Variants in ZFHX3 observed in about 807,000 individuals in gnomAD.
ZFHX3 encodes zinc finger homeobox protein 3.
A neutral mutation model predicts 279.1 loss-of-function variants in ZFHX3; 42 were observed. The ratio of observed to expected loss-of-function variants is 0.15; its 90% CI spans 0.12 to 0.19. The LOEUF is 0.19. Among genes scored for constraint, ZFHX3 ranks in the 10% least tolerant of loss-of-function variants. The pLI is 1.00. For synonymous variants in ZFHX3, 2,293 were observed against 1,957.8 expected, an observed-to-expected ratio of 1.17 and a Z score of -4.52; for missense variants, 4,981 against 4,754.0, an observed-to-expected ratio of 1.05 and a Z score of -1.40.
chr16:73,177,933 A>G (rs1216182969), intron 5 of ZFHX3, among the ~76,000 whole-genome samples: 1 of 151,228 alleles, frequency 6.6e-6, no homozygotes, highest in Admixed American at 6.6e-5. Flanking sequence ...AGGGGCTGCT[A>G]TGACAGTCAG....
intron 5 of ZFHX3, among the ~76,000 whole-genome samples, chr16:72,814,983 G>T (rs2036562252): frequency 1.3e-5 from 2 of 152,156 alleles, no homozygotes; most frequent in Non-Finnish European, 2.9e-5. Context: ...AGTGATGTGG[G>T]GATGGCTCCT....
At chr16:72,835,644 A>C (rs149746985) in intron 4 of ZFHX3, among the ~76,000 whole-genome samples, 4 of 151,968 alleles carry the variant, frequency 2.6e-5, no homozygotes, top group Admixed American at 2.6e-4. Context: ...TCTGACCATC[A>C]AGACTGACAC....
At chr16:73,472,069 C>A (rs1009972466) in intron 2 of ZFHX3, among the ~76,000 whole-genome samples, 1 of 152,044 alleles carries the variant, frequency 6.6e-6, no homozygotes, top group Non-Finnish European at 1.5e-5. Context: ...CCTATCATTC[C>A]TCCTAATAGT....
At chr16:72,792,858 C>T (rs1220324823) in intron 9 of ZFHX3, among the ~76,000 whole-genome samples, 1 of 152,156 alleles carries the variant, frequency 6.6e-6, no homozygotes, top group Non-Finnish European at 1.5e-5. Context: ...AGGGCATAAT[C>T]CAGAATTAGC....
At chr16:73,306,509 G>C (rs748642916) in intron 4 of ZFHX3, among the ~76,000 whole-genome samples, 1 of 152,100 alleles carries the variant, frequency 6.6e-6, no homozygotes, top group East Asian at 1.9e-4. Context: ...TTTTGGTAGA[G>C]ATATGGTTTC....
intron 4 of ZFHX3, among the ~76,000 whole-genome samples, chr16:72,849,751 C>T (rs1035913059): frequency 6.6e-6 from 1 of 151,748 alleles, no homozygotes; most frequent in Non-Finnish European, 1.5e-5. Flanking sequence ...ATTCACTTCC[C>T]TGGTTGTTCG....
intron 7 of ZFHX3, among the ~76,000 whole-genome samples, chr16:73,124,273 C>G (rs12051003): frequency 0.57 from 86,076 of 152,082 alleles, 24,861 homozygotes; most frequent in Middle Eastern, 0.78. Flanking sequence ...GGCAGATCTG[C>G]TGTCCGGTGA....
intron 3 of ZFHX3, among the ~76,000 whole-genome samples, chr16:73,382,622 C>G (rs999504191): frequency 6.7e-6 from 1 of 148,648 alleles, no homozygotes; most frequent in Non-Finnish European, 1.5e-5. Context: ...GCAGACTACC[C>G]CACTTGCCCC....
At chr16:73,618,223 G>A (rs917546749) in intron 2 of ZFHX3, among the ~76,000 whole-genome samples, 5 of 152,154 alleles carry the variant, frequency 3.3e-5, no homozygotes, top group African/African-American at 1.2e-4. Context: ...GACTGTAAGA[G>A]GTTAGGTGAC....
In ZFHX3 at chr16:73,644,532, G is replaced by A. The variant is rs149913824; in HGVS notation, c.-1547+35648C>T. ...AAAAATTAGCTGGGCCTGGTGGCGG[G>A]TGCCTGTAATCCCAGCTACCCCAGA... On this transcript the variant is annotated intron_variant, in intron 2 of 17. Transcript: ENST00000641206. Among the ~76,000 whole-genome samples the A allele has an allele frequency of 4.5e-3, 690 of 152,146 alleles. 9 individuals are homozygous for A. Among genetic ancestry groups the A allele is most frequent in the African/African-American group, 0.016 (657 of 41,506 alleles).
At chr16:73,523,640 T>C (rs796626885) in intron 2 of ZFHX3, among the ~76,000 whole-genome samples, 10 of 148,278 alleles carry the variant, frequency 6.7e-5, no homozygotes, top group African/African-American at 2.5e-4. Flanking sequence ...TTTTTTTTCA[T>C]ATGTATATTC....
intron 3 of ZFHX3, among the ~76,000 whole-genome samples, chr16:73,427,229 G>A (rs2143506199): frequency 6.6e-6 from 1 of 152,318 alleles, no homozygotes; most frequent in South Asian, 2.1e-4. Flanking sequence ...GCAATATATT[G>A]TCACTTATTT....
At chr16:73,095,250 C>G (rs1311262998) in intron 7 of ZFHX3, among the ~76,000 whole-genome samples, 1 of 152,054 alleles carries the variant, frequency 6.6e-6, no homozygotes, top group East Asian at 1.9e-4. Flanking sequence ...TAATATTATA[C>G]TGGATGAAAA....
At chr16:73,070,526 C>G (rs903116873) in intron 8 of ZFHX3, among the ~76,000 whole-genome samples, 3 of 152,150 alleles carry the variant, frequency 2.0e-5, no homozygotes, top group African/African-American at 7.2e-5. Flanking sequence ...TGCAATTCCA[C>G]TCTGAGACCA....
At chr16:72,930,434 G>A (rs77670082) in intron 3 of ZFHX3, among the ~76,000 whole-genome samples, 2,586 of 151,974 alleles carry the variant, frequency 0.017, 56 homozygotes, top group South Asian at 0.091. Context: ...AAAAGAGGAC[G>A]GGCGATAAGG....
intron 2 of ZFHX3, among the ~76,000 whole-genome samples, chr16:73,512,109 C>T (rs1026077186): frequency 3.3e-5 from 5 of 151,862 alleles, no homozygotes; most frequent in African/African-American, 1.2e-4. Flanking sequence ...CAGCCGGACA[C>T]GGGAAATGTG....
intron 3 of ZFHX3, among the ~76,000 whole-genome samples, chr16:73,325,644 A>T (rs1477202381): frequency 6.6e-6 from 1 of 152,180 alleles, no homozygotes; most frequent in Non-Finnish European, 1.5e-5. Flanking sequence ...ACATTCAAAG[A>T]TCAATCCAAC....
intron 3 of ZFHX3, chr16:73,400,371 CCT>C (rs1447946870): frequency 6.6e-6 from 1 of 152,096 alleles, no homozygotes; most frequent in Non-Finnish European, 1.5e-5. Flanking sequence ...ATATTCTCTC[CCT>C]GTTACATGTT....
At chr16:73,611,132 G>T (rs1437938798) in intron 2 of ZFHX3, among the ~76,000 whole-genome samples, 1 of 152,234 alleles carries the variant, frequency 6.6e-6, no homozygotes, top group Non-Finnish European at 1.5e-5. Context: ...GAGGAAGAAA[G>T]AGGGTTAGAA....
Sources: gnomAD v4.1 joint callset for allele counts (sites outside exome capture counted in the v4.1 genomes callset) on GRCh38, gnomAD v4.1.1 for gene constraint, MANE v1.5 for transcripts, NCBI Gene and HGNC (gene_info 2026-07-23, HGNC 2026-07-21) for gene names.